The following TPRKB variants were observed in gnomAD, a reference collection of about 807,000 sequenced individuals.
TPRKB encodes the protein EKC/KEOPS complex subunit TPRKB.
Under a neutral mutation model 17.8 loss-of-function variants are expected in TPRKB, and 11 were observed. The ratio of observed to expected loss-of-function variants is 0.62; its 90% CI spans 0.39 to 1.02. TPRKB has a LOEUF of 1.02. Among genes scored for constraint, TPRKB ranks in the 50% least tolerant of loss-of-function variants. The pLI is 0.00. For missense variants in TPRKB, 228 were observed against 198.0 expected, an observed-to-expected ratio of 1.15 and a Z score of -0.91; for synonymous variants, 71 against 69.5, an observed-to-expected ratio of 1.02 and a Z score of -0.11.
At chr2:73,736,272 T>A (rs780691176) in intron 1 of TPRKB, among the ~76,000 whole-genome samples, 1 of 152,170 alleles carries the variant, frequency 6.6e-6, no homozygotes, top group Non-Finnish European at 1.5e-5. Context: ...TATAAAAAGA[T>A]ACACATATTT....
intron 3 of TPRKB, 41 bp downstream of exon 3, chr2:73,732,122 T>G: frequency 1.3e-6 from 2 of 1,597,790 alleles, no homozygotes; most frequent in Non-Finnish European, 1.7e-6. Flanking sequence ...ACACATATGT[T>G]ATTATGACAC....
intron 1 of TPRKB, among the ~76,000 whole-genome samples, chr2:73,736,365 A>AAAAG (rs1397784290): frequency 1.3e-5 from 2 of 152,230 alleles, no homozygotes; most frequent in African/African-American, 4.8e-5. Context: ...TCCTTTATAT[A>AAAAG]AAAGAAAATA....
chr2:73,730,530 C>T (rs1671552165), intron 4 of TPRKB, 30 bp downstream of exon 4: 1 of 1,509,672 alleles, frequency 6.6e-7, no homozygotes. Flanking sequence ...TCATCTATCA[C>T]ACTCTTTCTA....
rs1302807593 is a variant in TPRKB at position 73,730,149 on chromosome 2, A to T, written c.442-120T>A. 4.2e-6 allele frequency: 5 copies of T among 1,182,978 alleles called. No homozygotes were observed. In the Admixed American group the frequency reaches 1.0e-4, roughly 25 times the overall value. The allele number at this position is 1,182,978 out of a possible 1,614,324, so 73.3% of individuals were successfully genotyped here. ...TCAATTATTGGGTTCATGGTATAAC[A>T]AACAACAAATGTGATTAAAATATTC... is the stretch of plus-strand genomic sequence containing the variant. On this transcript the variant is annotated intron_variant, in intron 4 of 4. Transcript: ENST00000272424.
intron 1 of TPRKB, 136 bp downstream of exon 1, chr2:73,737,166 C>G (rs757853341): frequency 6.6e-6 from 1 of 152,364 alleles, no homozygotes; most frequent in Non-Finnish European, 1.5e-5. Context: ...CTATCATTCT[C>G]GTGCTGCATT....
At chr2:73,734,736 C>A (rs1047071614) in intron 1 of TPRKB, 145 bp from the exon 2 acceptor site, 14 of 735,986 alleles carry the variant, frequency 1.9e-5, no homozygotes, top group Non-Finnish European at 2.8e-5. Flanking sequence ...ATTTGGCATC[C>A]TCATGAGATG....
intron 1 of TPRKB, among the ~76,000 whole-genome samples, chr2:73,737,059 T>C (rs913380851): frequency 2.6e-5 from 4 of 152,188 alleles, no homozygotes; most frequent in Non-Finnish European, 4.4e-5. Context: ...GTCTGAGGAC[T>C]AGCTCCTTTT....
At chr2:73,735,332 CAAAA>C (rs35805651) in intron 1 of TPRKB, among the ~76,000 whole-genome samples, 1 of 145,006 alleles carries the variant, frequency 6.9e-6, no homozygotes. Context: ...AACTCCGTCT[CAAAA>C]AAAAAAAAGA....
At position 73,732,927 on chromosome 2, in the gene TPRKB, G is replaced by T. The variant is rs56867260; in HGVS notation, c.142-642C>A. Among the ~76,000 whole-genome samples the T allele has an allele frequency of 2.0e-3, 308 of 152,148 alleles. 2 individuals are homozygous for T. Among genetic ancestry groups the T allele is most frequent in the African/African-American group, 7.0e-3 (289 of 41,504 alleles). On this transcript the variant is annotated intron_variant, in intron 2 of 4. Transcript: ENST00000272424. ...CCCTATGAAATTGACACTATTATTA[G>T]TAGTAGTAGCAGTAGTAGTAGTATG...
Position 73,732,256 on chromosome 2 carries a change from T to A in TPRKB, c.171A>T (p.Ala57=). The change falls in exon 3 of 5, where the codon GCA becomes GCT. Residue 57 remains alanine, a synonymous_variant. Transcript: ENST00000272424. ...VIVDPFQILV[A]ANKAVHLYKL... is the part of the protein sequence containing the mutation. The stretch of plus-strand genomic sequence containing the variant: ...TGTAGAGGTGAACTGCTTTGTTTGC[T>A]GCCACAAGTATCTGAAATGGATCAA... 2 of 1,614,032 alleles carry A rather than the reference T, an allele frequency of 1.2e-6. No homozygotes were observed. Among genetic ancestry groups the A allele is most frequent in the Middle Eastern group, 1.6e-4 (1 of 6,062 alleles).
At chr2:73,734,810 C>T (rs1300330626) in intron 1 of TPRKB, among the ~76,000 whole-genome samples, 1 of 152,224 alleles carries the variant, frequency 6.6e-6, no homozygotes, top group Non-Finnish European at 1.5e-5. Flanking sequence ...AGGGGCCCAG[C>T]TGGTTGCTGT....
At chr2:73,733,410 C>T (rs575378552) in intron 2 of TPRKB, among the ~76,000 whole-genome samples, 2 of 151,976 alleles carry the variant, frequency 1.3e-5, no homozygotes, top group Non-Finnish European at 2.9e-5. Context: ...CAGCACACAC[C>T]ACCACACCCA....
At chr2:73,730,205 C>A in intron 4 of TPRKB, 176 bp from the exon 5 acceptor site, 1 of 717,520 alleles carries the variant, frequency 1.4e-6, no homozygotes, top group Non-Finnish European at 2.0e-6. Flanking sequence ...ACTTGTATCC[C>A]CTTTAAATTG....
chr2:73,734,250 C>T lies in TPRKB; in HGVS notation c.141+179G>A, dbSNP rs551154008. Reference sequence around the variant, plus strand: ...AGTAGCTGGGATTATAGGCGCCCGCCACCACGCCCAGCTAATTTTTGTATT... The same window carrying T: ...AGTAGCTGGGATTATAGGCGCCCGCTACCACGCCCAGCTAATTTTTGTATT... On this transcript the variant is annotated intron_variant, in intron 2 of 4. Transcript: ENST00000272424. Among the ~76,000 whole-genome samples, 165 of 152,046 alleles carry T rather than the reference C, an allele frequency of 1.1e-3. 1 individual carries two copies. The highest frequency in any genetic ancestry group is 3.9e-3 in the African/African-American group (160 of 41,446).
chr2:73,736,201 T>C (rs376049825), intron 1 of TPRKB, among the ~76,000 whole-genome samples: 1 of 152,138 alleles, frequency 6.6e-6, no homozygotes, highest in Admixed American at 6.5e-5. Flanking sequence ...AGTTCAATCA[T>C]TAGTCATGCT....
At position 73,732,206 on chromosome 2, in the gene TPRKB, G is replaced by C. The variant is rs1285396789; in HGVS notation, c.221C>G (p.Thr74Ser). The change falls in exon 3 of 5, where the codon ACT becomes AGT. Residue 74 changes from threonine to serine, a missense_variant. Coordinates refer to ENST00000272424, the MANE Select transcript of TPRKB (RefSeq NM_016058.5). The stretch of plus-strand genomic sequence containing the variant: ...GTTGAAAATAATTTCAGTAGATAGA[G>C]TTCTTGTCTTCATTTTTCCCAGTTT... ...LYKLGKMKTR[T>S]LSTEIIFNLS... is the part of the protein sequence containing the mutation. 1 of 1,613,934 alleles carries C rather than the reference G, an allele frequency of 6.2e-7. No homozygotes were observed. The highest frequency in any genetic ancestry group is 8.5e-7 in the Non-Finnish European group (1 of 1,179,846).
chr2:73,730,496 G>T, intron 4 of TPRKB, 64 bp downstream of exon 4: 2 of 1,178,728 alleles, frequency 1.7e-6, no homozygotes, highest in Admixed American at 2.8e-5. Flanking sequence ...GTGATCAATA[G>T]GCAAACGGCA....
intron 1 of TPRKB, among the ~76,000 whole-genome samples, chr2:73,735,095 G>A (rs769427045): frequency 4.6e-5 from 7 of 152,274 alleles, no homozygotes; most frequent in Middle Eastern, 3.4e-3. Context: ...CTGGGAGGCC[G>A]AGGCGAGCAG....
intron 3 of TPRKB, chr2:73,730,976 C>T (rs771688113): frequency 1.7e-4 from 53 of 316,888 alleles, no homozygotes; most frequent in South Asian, 6.2e-4. Flanking sequence ...AGCCTCTTGG[C>T]GCTGCACAAA....
Sources: allele counts gnomAD v4.1 joint callset (sites outside exome capture counted in the v4.1 genomes callset), GRCh38; gene constraint gnomAD v4.1.1; transcripts MANE v1.5; gene names NCBI Gene and HGNC (gene_info 2026-07-23, HGNC 2026-07-21).